The following EYS variants were observed in gnomAD, a reference collection of about 807,000 sequenced individuals.
EYS encodes the protein protein eyes shut homolog.
Under a neutral mutation model 282.1 loss-of-function variants are expected in EYS, and 250 were observed. The observed-to-expected ratio is 0.89, with a 90% CI of 0.80 to 0.98. The LOEUF (loss-of-function observed/expected upper bound fraction) is 0.98, where lower values mean the gene tolerates loss of function less well. EYS is among the 50% of genes least tolerant of loss of function. EYS has a pLI of 0.00. For synonymous variants in EYS, 1,355 were observed against 1,282.9 expected, an observed-to-expected ratio of 1.06 and a Z score of -1.20; for missense variants, 4,016 against 3,709.0, an observed-to-expected ratio of 1.08 and a Z score of -2.15.
Position 64,016,388 on chromosome 6 carries a change from T to A in EYS, c.6726-17205A>T, listed in dbSNP as rs538547510. Among the ~76,000 whole-genome samples, 9 of 152,286 alleles carry A rather than the reference T, an allele frequency of 5.9e-5. No individual in the cohort carries two copies. In the South Asian group the frequency reaches 1.7e-3, roughly 28 times the overall value. On this transcript the variant is annotated intron_variant, in intron 33 of 42. Coordinates refer to ENST00000503581, the MANE Select transcript of EYS (RefSeq NM_001142800.2). ...TGAGGCACCTAGGGGTTAAGTAATT[T>A]GCTCAAGGTCACAAAGTTCATAAAT...
chr6:64,890,721 T>G (rs865935955), intron 18 of EYS, among the ~76,000 whole-genome samples: 1 of 152,258 alleles, frequency 6.6e-6, no homozygotes, highest in South Asian at 2.1e-4. Context: ...CGCTTCTGAT[T>G]TTGAAAGTGA....
intron 15 of EYS, among the ~76,000 whole-genome samples, chr6:64,930,043 A>C (rs1768659268): frequency 6.6e-6 from 1 of 152,028 alleles, no homozygotes; most frequent in African/African-American, 2.4e-5. Context: ...AATTGCTTTA[A>C]TTACTTGTGT....
chr6:64,665,702 C>T (rs1583016844), intron 22 of EYS, among the ~76,000 whole-genome samples: 1 of 152,186 alleles, frequency 6.6e-6, no homozygotes, highest in East Asian at 1.9e-4. Flanking sequence ...CACGTTTTCA[C>T]TTCCAAGACC....
rs746495037 is a variant in EYS at position 64,821,639 on chromosome 6, A to C, written c.3243+6T>G. 7.2e-7 allele frequency: 1 copy of C among 1,398,426 alleles called. No homozygotes were observed. Among genetic ancestry groups the C allele is most frequent in the Non-Finnish European group, 9.7e-7 (1 of 1,028,242 alleles). The allele number at this position is 1,398,426 out of a possible 1,614,324, so 86.6% of individuals were successfully genotyped here. The stretch of plus-strand genomic sequence containing the variant: ...CATATAACTTGAATAAAATTATAAG[A>C]CTTACATTAATTTTGATCTTACATT... On this transcript the variant is annotated splice_donor_region_variant and intron_variant, in intron 21 of 42. Coordinates refer to ENST00000503581, the MANE Select transcript of EYS (RefSeq NM_001142800.2).
At chr6:65,394,872 T>A (rs1326654512) in intron 7 of EYS, among the ~76,000 whole-genome samples, 1 of 152,170 alleles carries the variant, frequency 6.6e-6, no homozygotes, top group Non-Finnish European at 1.5e-5. Context: ...GTTGTCTTCA[T>A]CTTTTCCTCA....
Position 65,335,091 on chromosome 6 carries a change from T to C in EYS, c.1655A>G (p.Tyr552Cys). ...GCCAGCCCATCTGAGAAAACATAGA[T>C]ACCGATATTCCTGACTGTCTTCTTC... The part of the protein sequence containing the change: ...LSEEDSQEYR[Y>C]LCFLRWAGNM... The change falls in exon 11 of 43, where the codon TAT becomes TGT. Residue 552 changes from tyrosine (Y) to cysteine (C), a missense_variant. Transcript: ENST00000503581. 6.2e-7 allele frequency: 1 copy of C among 1,612,138 alleles called. No individual in the cohort carries two copies. The highest frequency in any genetic ancestry group is 8.5e-7 in the Non-Finnish European group (1 of 1,178,924).
intron 31 of EYS, among the ~76,000 whole-genome samples, chr6:64,159,299 G>A (rs572364925): frequency 9.9e-5 from 15 of 152,132 alleles, no homozygotes; most frequent in East Asian, 9.7e-4. Flanking sequence ...GGTGGCTCAC[G>A]CCTGTAATCC....
chr6:64,759,773 G>A (rs1011989728), intron 22 of EYS, among the ~76,000 whole-genome samples: 3 of 152,052 alleles, frequency 2.0e-5, no homozygotes, highest in African/African-American at 7.2e-5. Context: ...AATTAGCAAA[G>A]AGTAAAACCT....
At chr6:64,628,395 A>G (rs1767677542) in intron 22 of EYS, among the ~76,000 whole-genome samples, 1 of 152,238 alleles carries the variant, frequency 6.6e-6, no homozygotes, top group East Asian at 1.9e-4. Flanking sequence ...TTCTTCAAAA[A>G]TGCATTATCA....
intron 26 of EYS, among the ~76,000 whole-genome samples, chr6:64,579,655 G>T (rs73455450): frequency 1.6e-3 from 245 of 152,086 alleles, no homozygotes; most frequent in African/African-American, 5.7e-3. Flanking sequence ...CACAGACAGG[G>T]TTATTGGCTT....
chr6:65,107,398 C>T (rs577716967), intron 12 of EYS, among the ~76,000 whole-genome samples: 20 of 151,352 alleles, frequency 1.3e-4, no homozygotes, highest in Middle Eastern at 6.9e-3. Context: ...TATATAACAC[C>T]TACAATATAA....
intron 22 of EYS, among the ~76,000 whole-genome samples, chr6:64,634,149 A>G (rs1767888397): frequency 6.6e-6 from 1 of 152,076 alleles, no homozygotes; most frequent in Admixed American, 6.6e-5. Context: ...AAGCCCAGCT[A>G]ATTTTTGTAT....
Position 65,353,497 on chromosome 6 carries a change from G to A in EYS, c.1420C>T (p.Pro474Ser). The A allele has an allele frequency of 6.2e-7, 1 of 1,613,150 alleles. No homozygotes were observed. The highest frequency in any genetic ancestry group is 1.1e-5 in the South Asian group (1 of 91,054). Residue 474 changes from proline (P) to serine (S), a missense_variant, in exon 9 of 43, where the codon CCT (proline) becomes TCT (serine). Physicochemically the swap from Pro to Ser is moderately conservative, Grantham distance 74 (BLOSUM62 -1). Coordinates refer to ENST00000503581, the MANE Select transcript of EYS (RefSeq NM_001142800.2). The part of the protein sequence containing the change: ...TFHGICQDKG[P>S]AQFEYVWQLG... The stretch of plus-strand genomic sequence containing the variant: ...TGCCACACATATTCAAATTGAGCAG[G>A]ACCTTTATCTTGGCAAATACCATGG...
At chr6:65,382,269 CT>C (rs1237638436) in intron 8 of EYS, among the ~76,000 whole-genome samples, 6 of 89,380 alleles carry the variant, frequency 6.7e-5, no homozygotes, top group Non-Finnish European at 9.1e-5. Context: ...ATAAATTTCT[CT>C]TTAACTCTCA....
rs569922388 is a variant in EYS at position 64,443,249 on chromosome 6, T to A, written c.5645-3897A>T. On this transcript the variant is annotated intron_variant, in intron 26 of 42. Coordinates refer to ENST00000503581, the MANE Select transcript of EYS (RefSeq NM_001142800.2). ...GACTTGCATGGGACCTGTAGCTACT[T>A]GGTTTTGGCCAAGTTTTCCCATTTG... Among the ~76,000 whole-genome samples the A allele has an allele frequency of 3.9e-5, 6 of 152,266 alleles. No individual in the cohort carries two copies. The South Asian group carries it at 1.2e-3, about 32-fold the overall frequency.
At chr6:64,340,082 T>TTTAA (rs1771040813) in intron 29 of EYS, among the ~76,000 whole-genome samples, 1 of 151,578 alleles carries the variant, frequency 6.6e-6, no homozygotes, top group Non-Finnish European at 1.5e-5. Context: ...AATAAAAACG[T>TTTAA]ATGCACATTT....
intron 26 of EYS, among the ~76,000 whole-genome samples, chr6:64,564,267 CCTTTTTTTTT>C (rs1018479989): frequency 6.7e-5 from 3 of 44,798 alleles, no homozygotes; most frequent in Admixed American, 3.5e-4. Context: ...TATCTTTTGT[CCTTTTTTTTT>C]TTTTTTTTTT....
intron 35 of EYS, among the ~76,000 whole-genome samples, chr6:63,928,411 T>G (rs547886406): frequency 6.6e-6 from 1 of 152,318 alleles, no homozygotes; most frequent in South Asian, 2.1e-4. Context: ...CAGATGTGTC[T>G]AAAGTGCTTA....
Position 64,886,893 on chromosome 6 carries a change from T to G in EYS, c.2847-51A>C, listed in dbSNP as rs570117581. 1.5e-5 allele frequency: 16 copies of G among 1,040,062 alleles called. 1 individual carries two copies. The South Asian group carries it at 2.1e-4, about 14-fold the overall frequency. 64.4% of individuals were successfully genotyped at this position (1,040,062 alleles called of 1,614,324 possible). On this transcript the variant is annotated intron_variant, in intron 18 of 42. Coordinates refer to ENST00000503581, the MANE Select transcript of EYS (RefSeq NM_001142800.2). ...ATAGCCATGTAACAATGATAATCAT[T>G]TATTATATATGATTCATATTTATAT...
Sources: gnomAD v4.1 joint callset for allele counts (sites outside exome capture counted in the v4.1 genomes callset) on GRCh38, gnomAD v4.1.1 for gene constraint, MANE v1.5 for transcripts, NCBI Gene and HGNC (gene_info 2026-07-23, HGNC 2026-07-21) for gene names.